The following ARF4 variants were observed in gnomAD, a reference collection of about 807,000 sequenced individuals.
The protein encoded by ARF4 is ADP-ribosylation factor 4.
In ARF4, 5 loss-of-function variants were observed where a neutral mutation model predicts 24.3. The ratio of observed to expected loss-of-function variants is 0.21; its 90% CI spans 0.11 to 0.43. The LOEUF (loss-of-function observed/expected upper bound fraction) is 0.43, where lower values mean the gene tolerates loss of function less well. Among genes scored for constraint, ARF4 ranks in the 20% least tolerant of loss-of-function variants. The pLI is 1.00. For missense variants in ARF4, 107 were observed against 213.0 expected (o/e 0.50, Z 3.10); for synonymous variants, 62 against 73.5 (o/e 0.84, Z 0.80).
At chr3:57,589,714 T>G (rs1483016640) in intron 1 of ARF4, among the ~76,000 whole-genome samples, 1 of 150,648 alleles carries the variant, frequency 6.6e-6, no homozygotes, top group African/African-American at 2.4e-5. Context: ...CGAGACTCCG[T>G]CTCAAAAAAA....
intron 4 of ARF4, among the ~76,000 whole-genome samples, chr3:57,576,312 G>T (rs1356677550): frequency 6.6e-6 from 1 of 152,104 alleles, no homozygotes; most frequent in Non-Finnish European, 1.5e-5. Context: ...GGCTGTCAGA[G>T]GCTGGGAGTG....
At chr3:57,578,874 A>G (rs1203544021) in intron 3 of ARF4, among the ~76,000 whole-genome samples, 3 of 150,766 alleles carry the variant, frequency 2.0e-5, no homozygotes, top group African/African-American at 7.3e-5. Flanking sequence ...GAAAGTATAG[A>G]ATTTTCAGCT....
chr3:57,597,111 G>A lies in ARF4; in HGVS notation c.30C>T (p.Ser10=), dbSNP rs977117360. Reference sequence around the variant, plus strand: ...GCATCTGCTTCTTGCCAAATAGTCGGGAGAAGAGGGAGGAGATAGTGAGGC... The same window carrying A: ...GCATCTGCTTCTTGCCAAATAGTCGAGAGAAGAGGGAGGAGATAGTGAGGC... MGLTISSLF[S]RLFGKKQMRI... is the part of the protein sequence containing the mutation. Residue 10 remains serine, a synonymous_variant, in exon 1 of 6, where the codon TCC becomes TCT. Transcript: ENST00000303436. 3.7e-6 allele frequency: 6 copies of A among 1,614,026 alleles called. No individual in the cohort carries two copies. Among genetic ancestry groups the A allele is most frequent in the African/African-American group, 1.3e-5 (1 of 74,932 alleles).
intron 1 of ARF4, among the ~76,000 whole-genome samples, chr3:57,592,738 T>C (rs1024140779): frequency 6.6e-6 from 1 of 152,194 alleles, no homozygotes; most frequent in Non-Finnish European, 1.5e-5. Flanking sequence ...GATTTTTGCC[T>C]TTTCTGTTTC....
intron 1 of ARF4, among the ~76,000 whole-genome samples, chr3:57,589,462 G>A (rs1265426873): frequency 6.6e-6 from 1 of 152,212 alleles, no homozygotes; most frequent in Admixed American, 6.5e-5. Context: ...GCTCACACCT[G>A]TAATCCCAGC....
chr3:57,593,816 C>G (rs970462701), intron 1 of ARF4, among the ~76,000 whole-genome samples: 3 of 152,050 alleles, frequency 2.0e-5, no homozygotes, highest in African/African-American at 7.2e-5. Context: ...TGGGCGGGAT[C>G]GCTTCAGCCC....
At chr3:57,574,027 T>C (rs1013219000) in intron 5 of ARF4, among the ~76,000 whole-genome samples, 1 of 152,074 alleles carries the variant, frequency 6.6e-6, no homozygotes, top group Non-Finnish European at 1.5e-5. Flanking sequence ...CTGCAACCTC[T>C]GCTGCCTGGG....
At chr3:57,587,181 TG>T (rs2070048345) in intron 1 of ARF4, among the ~76,000 whole-genome samples, 1 of 151,760 alleles carries the variant, frequency 6.6e-6, no homozygotes, top group African/African-American at 2.4e-5. Flanking sequence ...TAGCTGGATG[TG>T]GTGGCATATG....
chr3:57,575,222 T>C (rs1390365933), intron 5 of ARF4, among the ~76,000 whole-genome samples: 1 of 151,726 alleles, frequency 6.6e-6, no homozygotes, highest in East Asian at 1.9e-4. Context: ...TTTCAAAATA[T>C]TTGCTGTAGG....
chr3:57,572,412 A>G, intron 5 of ARF4, 114 bp from the exon 6 acceptor site: 1 of 732,036 alleles, frequency 1.4e-6, no homozygotes, highest in East Asian at 2.7e-5. Flanking sequence ...ATCTCACAAA[A>G]CTCTCCCATA....
At chr3:57,594,693 A>C (rs2070160346) in intron 1 of ARF4, among the ~76,000 whole-genome samples, 1 of 152,220 alleles carries the variant, frequency 6.6e-6, no homozygotes, top group Non-Finnish European at 1.5e-5. Flanking sequence ...AGTCTGAATA[A>C]AACACTGACT....
rs538643023 is a variant in ARF4, at chr3:57,584,003, A to G, written c.153T>C (p.Phe51=). Residue 51 remains phenylalanine (F), a synonymous_variant, in exon 3 of 6, where the codon TTT becomes TTC. Coordinates refer to ENST00000303436, the MANE Select transcript of ARF4 (RefSeq NM_001660.4). ...EIVTTIPTIG[F]NVETVEYKNI... is the part of the protein sequence containing the mutation. ...TCTTATATTCTACTGTTTCCACATT[A>G]AAACCTACAAAGAAAAACAAAAATG... 29 of 1,603,920 alleles carry G rather than the reference A, an allele frequency of 1.8e-5. No individual in the cohort carries two copies. In the East Asian group the frequency reaches 5.8e-4, roughly 32 times the overall value.
intron 1 of ARF4, among the ~76,000 whole-genome samples, chr3:57,586,430 G>A (rs770835355): frequency 1.3e-5 from 2 of 152,176 alleles, no homozygotes; most frequent in African/African-American, 2.4e-5. Context: ...AAACAGAAGC[G>A]AAGGCTACAG....
intron 4 of ARF4, among the ~76,000 whole-genome samples, chr3:57,576,478 A>G (rs1467543306): frequency 7.0e-6 from 1 of 143,390 alleles, no homozygotes; most frequent in Non-Finnish European, 1.5e-5. Flanking sequence ...TGACATTTAT[A>G]GTGTGTGAAG....
chr3:57,572,378 TAA>T (rs1037983074), intron 5 of ARF4, 80 bp from the exon 6 acceptor site: 1 of 1,102,506 alleles, frequency 9.1e-7, no homozygotes, highest in Non-Finnish European at 1.4e-6. Context: ...TAATCAAACT[TAA>T]GAGTCTTTTC....
intron 3 of ARF4, among the ~76,000 whole-genome samples, chr3:57,582,986 G>A (rs1559784743): frequency 6.6e-6 from 1 of 152,174 alleles, no homozygotes; most frequent in African/African-American, 2.4e-5. Flanking sequence ...ATTTTTGGCT[G>A]CTACTTGAGG....
intron 1 of ARF4, among the ~76,000 whole-genome samples, chr3:57,590,901 C>T (rs532386894): frequency 2.6e-5 from 4 of 152,038 alleles, no homozygotes; most frequent in South Asian, 2.1e-4. Context: ...GCCCAGGCTG[C>T]GTAATAGTTT....
chr3:57,589,401 G>A lies in ARF4; in HGVS notation c.68-4937C>T, dbSNP rs114166814. 3.6e-3 allele frequency among the ~76,000 whole-genome samples: 553 copies of A among 151,988 alleles called. 3 individuals are homozygous for A. The highest frequency in any genetic ancestry group is 0.011 in the African/African-American group (476 of 41,476). ...CATGATCACACCACTGCAATTCAGC[G>A]TAAGCAACAGAGCAAGATCCTGTCT... On this transcript the variant is annotated intron_variant, in intron 1 of 5. Coordinates refer to ENST00000303436, the MANE Select transcript of ARF4 (RefSeq NM_001660.4).
At chr3:57,583,848 G>C (rs1224987555) in intron 3 of ARF4, 50 bp downstream of exon 3, 1 of 1,304,638 alleles carries the variant, frequency 7.7e-7, no homozygotes, top group Non-Finnish European at 1.1e-6. Flanking sequence ...AAAAACTTTA[G>C]AGCATGAAAC....
Sources: gnomAD v4.1 joint callset for allele counts (sites outside exome capture counted in the v4.1 genomes callset) on GRCh38, gnomAD v4.1.1 for gene constraint, MANE v1.5 for transcripts, NCBI Gene and HGNC (gene_info 2026-07-23, HGNC 2026-07-21) for gene names.